The following MDGA1 variants were observed in gnomAD, a reference collection of about 807,000 sequenced individuals.
The protein encoded by MDGA1 is MAM domain-containing glycosylphosphatidylinositol anchor protein 1.
In MDGA1, 54 loss-of-function variants were observed where a neutral mutation model predicts 101.5. The observed-to-expected ratio is 0.53, with a 90% CI of 0.43 to 0.67. MDGA1 has a LOEUF of 0.67. Ranked by LOEUF, MDGA1 falls within the 30% of genes least tolerant of loss-of-function variation. The pLI, the probability that MDGA1 is intolerant of heterozygous loss-of-function variation, is 0.00. For synonymous variants in MDGA1, 533 were observed against 558.3 expected, an observed-to-expected ratio of 0.95 and a Z score of 0.64; for missense variants, 1,083 against 1,323.8, an observed-to-expected ratio of 0.82 and a Z score of 2.82.
rs200515120 is a variant in MDGA1, at chr6:37,658,357, G to T, written c.270C>A (p.Asn90Lys). Residue 90 changes from asparagine to lysine, a missense_variant, in exon 3 of 17, where the codon AAC becomes AAA. Physicochemically the swap from Asn to Lys is moderately conservative, Grantham distance 94 (BLOSUM62 0). Transcript: ENST00000434837. ...SDKFQETSVF[N>K]ETLRIERIAR... The stretch of plus-strand genomic sequence containing the variant: ...CAATACGCTCGATGCGCAGCGTCTC[G>T]TTGAACACCGATGTCTCCTGGAACT... 1 of 1,613,118 alleles carries T rather than the reference G, an allele frequency of 6.2e-7. No homozygotes were observed. The highest frequency in any genetic ancestry group is 8.5e-7 in the Non-Finnish European group (1 of 1,179,688).
intron 1 of MDGA1, among the ~76,000 whole-genome samples, chr6:37,681,380 T>TA (rs1391582217): frequency 6.6e-6 from 1 of 152,038 alleles, no homozygotes; most frequent in Non-Finnish European, 1.5e-5. Flanking sequence ...AGGCTGGACA[T>TA]AAGTCCCTGA....
intron 1 of MDGA1, among the ~76,000 whole-genome samples, chr6:37,687,181 C>A (rs990527494): frequency 6.6e-6 from 1 of 152,092 alleles, no homozygotes. Context: ...CAGCTGTGAG[C>A]TCCTTGGGGA....
rs1489965189 is a variant in MDGA1 at position 37,631,039 on chromosome 6, GA to G, written c.*6328del. 6.6e-6 allele frequency: 1 copy of G among 152,182 alleles called. No homozygotes were observed. Among genetic ancestry groups the G allele is most frequent in the Non-Finnish European group, 1.5e-5 (1 of 68,036 alleles). The allele number at this position is 152,182 out of a possible 1,614,324, so 9.4% of individuals were successfully genotyped here. On this transcript the variant is annotated 3_prime_UTR_variant, in exon 17 of 17. Transcript: ENST00000434837. The stretch of plus-strand genomic sequence containing the variant: ...GAGCAACCCAGATTCAAGAGGAAGG[GA>G]ATTAGACTCTGCCTCTCTACAGGAA...
At chr6:37,667,783 C>T (rs3846881) in intron 1 of MDGA1, among the ~76,000 whole-genome samples, 67,487 of 152,036 alleles carry the variant, frequency 0.44, 15,903 homozygotes, top group Non-Finnish European at 0.53. Context: ...GCTTTGGTGA[C>T]AGATAAGGAA....
Position 37,638,417 on chromosome 6 carries a change from C to G in MDGA1, c.2668-104G>C. Reference sequence around the variant, plus strand: ...TTCCCCTTAATCTACCTGGAAGTTCCCCCTAACCTGACTCTTTCCATCCTT... The same window carrying G: ...TTCCCCTTAATCTACCTGGAAGTTCGCCCTAACCTGACTCTTTCCATCCTT... On this transcript the variant is annotated intron_variant, in intron 15 of 16. Transcript: ENST00000434837. The surrounding 1 kb of genome is among the most constrained non-coding windows in gnomAD (Gnocchi z 4.8). 1 of 1,535,692 alleles carries G rather than the reference C, an allele frequency of 6.5e-7. No homozygotes were observed. The highest frequency in any genetic ancestry group is 1.2e-5 in the South Asian group (1 of 83,966).
chr6:37,671,477 T>C (rs951594885), intron 1 of MDGA1, among the ~76,000 whole-genome samples: 21 of 152,318 alleles, frequency 1.4e-4, no homozygotes, highest in African/African-American at 4.8e-4. Context: ...CCAAGTGGCC[T>C]GAGACATGTC....
intron 14 of MDGA1, chr6:37,639,603 T>C (rs1325986980): frequency 6.6e-6 from 1 of 152,242 alleles, no homozygotes; most frequent in Non-Finnish European, 1.5e-5. Context: ...GGCCAGTTCC[T>C]GCCTTAGGGC....
chr6:37,696,674 G>C lies in MDGA1; in HGVS notation c.67+71C>G. The stretch of plus-strand genomic sequence containing the variant: ...GAGGTCTCCACCAAACCCCGGCAGC[G>C]CGCACTTTGCGCCTCTTGCAAAGTT... On this transcript the variant is annotated intron_variant, in intron 1 of 16. Transcript: ENST00000434837. This position sits in a 1 kb window ranked among gnomAD's most constrained non-coding sequence, Gnocchi z 5.6. The C allele has an allele frequency of 7.0e-7, 1 of 1,429,030 alleles. No homozygotes were observed. The highest frequency in any genetic ancestry group is 9.7e-7 in the Non-Finnish European group (1 of 1,035,530). 88.5% of individuals were successfully genotyped at this position (1,429,030 alleles called of 1,614,324 possible). A position where few individuals can be genotyped will look rare whatever the true frequency, so the allele number is the denominator to read the frequency against.
rs1763998149 is a variant in MDGA1 at position 37,638,854 on chromosome 6, A to AGGT, written c.2537-188_2537-187insACC. On this transcript the variant is annotated intron_variant, in intron 14 of 16. Transcript: ENST00000434837. The surrounding 1 kb of genome is among the most constrained non-coding windows in gnomAD (Gnocchi z 4.8). ...GGACACCCTCAGTGTGGGAAAGAGA[A>AGGT]GACTTCAGCAGGATTTCATTTCATC... The AGGT allele has an allele frequency of 1.5e-6, 1 of 687,460 alleles. No individual in the cohort carries two copies. Among genetic ancestry groups the AGGT allele is most frequent in the Non-Finnish European group, 2.4e-6 (1 of 425,210 alleles). 42.6% of individuals were successfully genotyped at this position (687,460 alleles called of 1,614,324 possible).
rs9462343 is a variant in MDGA1, at chr6:37,653,000, G to A, written c.983-660C>T. Reference sequence around the variant, plus strand: ...ACGATCACTTTACATGCAATTACATGAAAACACAGCATTTGGAAAGAAAAA... The same window carrying A: ...ACGATCACTTTACATGCAATTACATAAAAACACAGCATTTGGAAAGAAAAA... On this transcript the variant is annotated intron_variant, in intron 6 of 16. Coordinates refer to ENST00000434837, the MANE Select transcript of MDGA1 (RefSeq NM_153487.4). The surrounding 1 kb of genome is among the most constrained non-coding windows in gnomAD (Gnocchi z 4.3). 0.28 allele frequency among the ~76,000 whole-genome samples: 43,020 copies of A among 152,088 alleles called. 7,132 individuals are homozygous for A. The highest frequency in any genetic ancestry group is 0.47 in the African/African-American group (19,273 of 41,444).
Position 37,649,111 on chromosome 6 carries a change from G to GAACAACAGGCGGCGGC in MDGA1, c.1749_1764dup (p.Pro589AlafsTer135). 6.6e-7 allele frequency: 1 copy of GAACAACAGGCGGCGGC among 1,520,966 alleles called. No individual in the cohort carries two copies. Among genetic ancestry groups the GAACAACAGGCGGCGGC allele is most frequent in the Non-Finnish European group, 8.8e-7 (1 of 1,137,322 alleles). The allele number at this position is 1,520,966 out of a possible 1,614,324, so 94.2% of individuals were successfully genotyped here. A position where few individuals can be genotyped will look rare whatever the true frequency, so the allele number is the denominator to read the frequency against. On this transcript the variant is annotated frameshift_variant, in exon 9 of 17. Transcript: ENST00000434837. LOFTEE classifies it high-confidence loss of function. ...TGATCCGGCGCCTCGGCGGCGGCGG[G>GAACAACAGGCGGCGGC]AACAACAGGCGGCGGCGGCAGCAGC...
rs1763852883 is a variant in MDGA1 at position 37,632,945 on chromosome 6, G to A, written c.*4423C>T. Reference sequence around the variant, plus strand: ...GGGCCACCAGAGTTGGGCTGAGATGGTGATTATGTGGGTGGCTGGGAGGAT... The same window carrying A: ...GGGCCACCAGAGTTGGGCTGAGATGATGATTATGTGGGTGGCTGGGAGGAT... On this transcript the variant is annotated 3_prime_UTR_variant, in exon 17 of 17. Transcript: ENST00000434837. 2 of 152,782 alleles carry A rather than the reference G, an allele frequency of 1.3e-5. No individual in the cohort carries two copies. The highest frequency in any genetic ancestry group is 4.1e-4 in the South Asian group (2 of 4,828). The allele number at this position is 152,782 out of a possible 1,614,324, so 9.5% of individuals were successfully genotyped here. A position where few individuals can be genotyped will look rare whatever the true frequency, so the allele number is the denominator to read the frequency against.
At chr6:37,650,815 C>A (rs804818) in intron 7 of MDGA1, among the ~76,000 whole-genome samples, 5,456 of 152,312 alleles carry the variant, frequency 0.036, 314 homozygotes, top group African/African-American at 0.12. Flanking sequence ...GTCCTACATC[C>A]TTGCCCTTTC....
At chr6:37,687,708 G>C (rs1762225735) in intron 1 of MDGA1, among the ~76,000 whole-genome samples, 1 of 152,100 alleles carries the variant, frequency 6.6e-6, no homozygotes, top group Non-Finnish European at 1.5e-5. Flanking sequence ...CTGGGCTCAA[G>C]TGATCCTCCC....
At chr6:37,691,139 A>T (rs1408768015) in intron 1 of MDGA1, among the ~76,000 whole-genome samples, 1 of 152,132 alleles carries the variant, frequency 6.6e-6, no homozygotes, top group African/African-American at 2.4e-5. Context: ...CAATGTCCAG[A>T]ACTGAGTCTT....
intron 1 of MDGA1, among the ~76,000 whole-genome samples, chr6:37,690,442 A>G (rs1232694406): frequency 6.6e-6 from 1 of 152,216 alleles, no homozygotes; most frequent in Admixed American, 6.5e-5. Context: ...AAGATAATGC[A>G]TACTTATGAT....
intron 9 of MDGA1, 104 bp from the exon 10 acceptor site, chr6:37,647,428 G>A (rs2114012585): frequency 1.5e-6 from 1 of 686,578 alleles, no homozygotes; most frequent in South Asian, 2.0e-5. Flanking sequence ...GGAAAACAGA[G>A]AGGGGACGGA....
intron 9 of MDGA1, among the ~76,000 whole-genome samples, chr6:37,647,653 T>C (rs953200172): frequency 1.8e-4 from 24 of 136,268 alleles, no homozygotes; most frequent in Non-Finnish European, 3.3e-4. Context: ...TGAGGGAAGA[T>C]GGGGAAAGAG....
Position 37,654,431 on chromosome 6 carries a change from C to A in MDGA1, c.825G>T (p.Trp275Cys). The A allele has an allele frequency of 1.9e-6, 3 of 1,613,994 alleles. No individual in the cohort carries two copies. The highest frequency in any genetic ancestry group is 2.5e-6 in the Non-Finnish European group (3 of 1,179,882). ...TGGDPLPQLQ[W>C]SHGPGPLPLG... ...GGGGCAGTGGGCCAGGCCCATGGGA[C>A]CACTGCAGCTGGGGGAGGGGATCAC... Residue 275 changes from tryptophan to cysteine, a missense_variant, in exon 6 of 17, where the codon TGG becomes TGT. Trp to Cys is a radical substitution (Grantham distance 215). This residue lies in a region of MDGA1 where 116 missense variants were observed against 196.6 expected (regional missense o/e 0.59). Transcript: ENST00000434837.
Sources: allele counts gnomAD v4.1 joint callset (sites outside exome capture counted in the v4.1 genomes callset), GRCh38; gene constraint gnomAD v4.1.1; regional missense constraint gnomAD v4.1.1; non-coding constraint Gnocchi (gnomAD v3.1); transcripts MANE v1.5; gene names NCBI Gene and HGNC (gene_info 2026-07-23, HGNC 2026-07-21).